The following DGKI variants were observed in gnomAD, a reference collection of about 807,000 sequenced individuals.
DGKI encodes DAG kinase iota.
In DGKI, 55 loss-of-function variants were observed where a neutral mutation model predicts 147.5. The observed-to-expected ratio is 0.37, with a 90% CI of 0.30 to 0.47. The LOEUF is 0.47. Ranked by LOEUF, DGKI falls within the 20% of genes least tolerant of loss-of-function variation. The pLI, the probability that DGKI is intolerant of heterozygous loss-of-function variation, is 1.00. For missense variants in DGKI, 1,007 were observed against 1,323.8 expected (o/e 0.76, Z 3.71); for synonymous variants, 469 against 477.1 (o/e 0.98, Z 0.22).
At chr7:137,602,951 C>A (rs1268579790) in intron 10 of DGKI, among the ~76,000 whole-genome samples, 1 of 150,454 alleles carries the variant, frequency 6.6e-6, no homozygotes, top group Non-Finnish European at 1.5e-5. Context: ...TGTAGATATA[C>A]CTCACTGGCC....
chr7:137,441,528 C>T (rs1813508421), intron 28 of DGKI, among the ~76,000 whole-genome samples: 1 of 150,938 alleles, frequency 6.6e-6, no homozygotes, highest in Non-Finnish European at 1.5e-5. Flanking sequence ...CTCCATTTTA[C>T]AGACAAGGAA....
rs930277776 is a variant in DGKI, at chr7:137,389,889, T to G, written c.*1331A>C. ...ATTAGACTACCCCATACATAGAAAA[T>G]GGGGTTATTAAGTACGACCTTTGGA... is the stretch of plus-strand genomic sequence containing the variant. On this transcript the variant is annotated 3_prime_UTR_variant, in exon 33 of 33. Coordinates refer to ENST00000614521, the MANE Select transcript of DGKI (RefSeq NM_001321708.2). The G allele has an allele frequency of 6.6e-6, 1 of 151,968 alleles. No individual in the cohort carries two copies. Among genetic ancestry groups the G allele is most frequent in the Admixed American group, 6.6e-5 (1 of 15,252 alleles). 9.4% of individuals were successfully genotyped at this position (151,968 alleles called of 1,614,324 possible).
chr7:137,552,530 G>A lies in DGKI; in HGVS notation c.1986C>T (p.His662=), dbSNP rs755125990. Residue 662 remains histidine (H), a synonymous_variant, in exon 20 of 33, where the codon CAC becomes CAT. Coordinates refer to ENST00000614521, the MANE Select transcript of DGKI (RefSeq NM_001321708.2). ...TTAGAAGCATGACTTCTCGACACTG[G>A]TGTAGCCTCTCTCCATGGCCCCCAA... ...LQVGGHGERL[H]QCREVMLLTY... The A allele has an allele frequency of 6.2e-7, 1 of 1,614,186 alleles. No homozygotes were observed. Among genetic ancestry groups the A allele is most frequent in the Middle Eastern group, 1.7e-4 (1 of 6,058 alleles).
At chr7:137,482,019 G>A (rs1225680220) in intron 23 of DGKI, among the ~76,000 whole-genome samples, 2 of 150,974 alleles carry the variant, frequency 1.3e-5, no homozygotes, top group African/African-American at 4.9e-5. Flanking sequence ...ACTCCCACCG[G>A]GACAAACTAG....
At chr7:137,448,319 A>G (rs1033529144) in intron 27 of DGKI, among the ~76,000 whole-genome samples, 4 of 141,272 alleles carry the variant, frequency 2.8e-5, no homozygotes, top group Admixed American at 1.4e-4. Flanking sequence ...AAAAAAAAAA[A>G]CTCACCCAAT....
chr7:137,662,449 T>C (rs1221044812), intron 3 of DGKI, among the ~76,000 whole-genome samples: 4 of 152,118 alleles, frequency 2.6e-5, no homozygotes, highest in Admixed American at 6.5e-5. Flanking sequence ...TTCACTGTGT[T>C]AGCCGGGATG....
intron 19 of DGKI, among the ~76,000 whole-genome samples, chr7:137,562,212 T>C (rs1297924279): frequency 1.3e-5 from 2 of 148,572 alleles, no homozygotes; most frequent in East Asian, 2.0e-4. Flanking sequence ...GTGGAGCTCA[T>C]ATGGAATGTG....
At chr7:137,841,397 A>G (rs1221465584) in intron 1 of DGKI, among the ~76,000 whole-genome samples, 1 of 152,252 alleles carries the variant, frequency 6.6e-6, no homozygotes, top group Non-Finnish European at 1.5e-5. Flanking sequence ...TGAGCAAATT[A>G]AATTTTAATG....
chr7:137,733,533 A>G (rs1304801138), intron 1 of DGKI, among the ~76,000 whole-genome samples: 1 of 152,228 alleles, frequency 6.6e-6, no homozygotes, highest in Non-Finnish European at 1.5e-5. Context: ...GCTTAGATGT[A>G]CTACTTTTAC....
intron 1 of DGKI, among the ~76,000 whole-genome samples, chr7:137,845,084 G>A (rs1798670540): frequency 6.6e-6 from 1 of 152,326 alleles, no homozygotes; most frequent in South Asian, 2.1e-4. Context: ...ATTTGGACCT[G>A]ATCTGTGTGA....
At chr7:137,662,153 C>T (rs1822457353) in intron 3 of DGKI, among the ~76,000 whole-genome samples, 2 of 152,078 alleles carry the variant, frequency 1.3e-5, no homozygotes, top group Non-Finnish European at 2.9e-5. Context: ...TCCACCATCA[C>T]TCATGCAGGC....
intron 1 of DGKI, among the ~76,000 whole-genome samples, chr7:137,769,256 G>A (rs115643700): frequency 0.011 from 1,746 of 152,262 alleles, 52 homozygotes; most frequent in African/African-American, 0.04. Context: ...AATGGTGGTC[G>A]AGGGTAAAGT....
intron 1 of DGKI, among the ~76,000 whole-genome samples, chr7:137,800,983 AC>A (rs1472469761): frequency 6.6e-6 from 1 of 152,232 alleles, no homozygotes; most frequent in Non-Finnish European, 1.5e-5. Context: ...CTCACCTTAG[AC>A]AATATTCATC....
chr7:137,492,966 A>G (rs1815823408), intron 21 of DGKI, among the ~76,000 whole-genome samples: 1 of 151,772 alleles, frequency 6.6e-6, no homozygotes. Context: ...GCACCCTCCC[A>G]CCACTGCAGC....
At chr7:137,455,242 A>G (rs894483098) in intron 27 of DGKI, among the ~76,000 whole-genome samples, 10 of 152,130 alleles carry the variant, frequency 6.6e-5, no homozygotes, top group Non-Finnish European at 1.3e-4. Context: ...TGGGAACAGA[A>G]TCTAAACATT....
intron 27 of DGKI, chr7:137,454,744 G>A (rs759149857): frequency 1.5e-4 from 23 of 152,116 alleles, no homozygotes; most frequent in Non-Finnish European, 2.4e-4. Flanking sequence ...TCCAGACAAC[G>A]GAGACATACC....
chr7:137,657,793 C>A (rs1039313343), intron 3 of DGKI, among the ~76,000 whole-genome samples: 1 of 152,094 alleles, frequency 6.6e-6, no homozygotes, highest in Admixed American at 6.5e-5. Context: ...AGCATTGCTG[C>A]GGCCAGAGAT....
Position 137,652,334 on chromosome 7 carries a change from C to T in DGKI, c.738+2398G>A, listed in dbSNP as rs148004958. Among the ~76,000 whole-genome samples the T allele has an allele frequency of 2.1e-3, 321 of 152,236 alleles. 1 individual carries two copies. Among genetic ancestry groups the T allele is most frequent in the African/African-American group, 7.2e-3 (297 of 41,516 alleles). ...AGCATCTTGTATTAGAAAAATTGCACGATTAAAATTGTCTCTCTTTCTCTC... is the reference window on the plus strand; with the variant it reads ...AGCATCTTGTATTAGAAAAATTGCATGATTAAAATTGTCTCTCTTTCTCTC... On this transcript the variant is annotated intron_variant, in intron 5 of 32. Coordinates refer to ENST00000614521, the MANE Select transcript of DGKI (RefSeq NM_001321708.2).
rs567718581 is a variant in DGKI, at chr7:137,821,659, AAAAG to A, written c.401+24799_401+24802del. Among the ~76,000 whole-genome samples, 118 of 152,188 alleles carry A rather than the reference AAAAG, an allele frequency of 7.8e-4. No individual in the cohort carries two copies. The Middle Eastern group carries it at 0.014, about 18-fold the overall frequency. ...TAAAAGACATACATCAGAAAAAAAAAAAAGAAAGAAAGAAAAGAAAGAAAACAGG... is the reference window on the plus strand; with the variant it reads ...TAAAAGACATACATCAGAAAAAAAAAAAAGAAAGAAAAGAAAGAAAACAGG... On this transcript the variant is annotated intron_variant, in intron 1 of 32. Coordinates refer to ENST00000614521, the MANE Select transcript of DGKI (RefSeq NM_001321708.2).
Sources: gnomAD v4.1 joint callset for allele counts (sites outside exome capture counted in the v4.1 genomes callset) on GRCh38, gnomAD v4.1.1 for gene constraint, MANE v1.5 for transcripts, NCBI Gene and HGNC (gene_info 2026-07-23, HGNC 2026-07-21) for gene names.